Variants in RBBP8NL observed in about 807,000 individuals in gnomAD.
RBBP8NL encodes the protein RBBP8 N-terminal like.
In RBBP8NL, 59 loss-of-function variants were observed where a neutral mutation model predicts 62.2. That is an observed-to-expected ratio of 0.95 (90% CI 0.77 to 1.18). RBBP8NL has a LOEUF of 1.18. RBBP8NL is among the 50% of genes most tolerant of loss of function. The pLI, the probability that RBBP8NL is intolerant of heterozygous loss-of-function variation, is 0.00. For missense variants in RBBP8NL, 896 were observed against 899.5 expected (o/e 1.00, Z 0.05); for synonymous variants, 412 against 394.1 (o/e 1.05, Z -0.54).
chr20:62,418,988 A>T (rs1988641450), intron 2 of RBBP8NL, among the ~76,000 whole-genome samples: 1 of 151,494 alleles, frequency 6.6e-6, no homozygotes, highest in African/African-American at 2.4e-5. Flanking sequence ...GACCACGGGG[A>T]GGTGCTGGCC....
Position 62,413,276 on chromosome 20 carries a change from C to T in RBBP8NL, c.1675+125G>A, listed in dbSNP as rs550894713. The T allele has an allele frequency of 1.3e-4, 154 of 1,213,008 alleles. 1 individual carries two copies. Among genetic ancestry groups the T allele is most frequent in the African/African-American group, 1.1e-3 (72 of 64,940 alleles). The allele number at this position is 1,213,008 out of a possible 1,614,324, so 75.1% of individuals were successfully genotyped here. On this transcript the variant is annotated intron_variant, in intron 11 of 13. Transcript: ENST00000252998. ...CAAGCCCTGGAGCCTGGGGTTGCCC[C>T]GTCAGATCGGCAGGGCAGAGCTGGG...
chr20:62,415,403 G>T, intron 8 of RBBP8NL, 116 bp from the exon 9 acceptor site: 1 of 1,397,790 alleles, frequency 7.2e-7, no homozygotes, highest in Non-Finnish European at 9.7e-7. Context: ...GCTCACTGCT[G>T]AGCTGCACCC....
chr20:62,415,891 C>T lies in RBBP8NL; in HGVS notation c.441G>A (p.Leu147=), dbSNP rs1463422095. ...KEGTSDPPSP[L]LLPSPGGWKA... ...TCCAGCCACCAGGGGAGGGGAGCAG[C>T]AGGGGTGAGGGGGGGTCCGAGGTGC... Residue 147 remains leucine (L), a synonymous_variant, in exon 7 of 14, where the codon CTG becomes CTA. Coordinates refer to ENST00000252998, the MANE Select transcript of RBBP8NL (RefSeq NM_080833.3). 1 of 1,602,428 alleles carries T rather than the reference C, an allele frequency of 6.2e-7. No homozygotes were observed. The highest frequency in any genetic ancestry group is 8.5e-7 in the Non-Finnish European group (1 of 1,176,034).
At chr20:62,416,294 T>TGGGGGGGGG in intron 5 of RBBP8NL, 58 bp from the exon 6 acceptor site, 1 of 515,308 alleles carries the variant, frequency 1.9e-6, no homozygotes. Flanking sequence ...GGGGCAGGGG[T>TGGGGGGGGG]GGGGTCGTCA....
chr20:62,417,717 G>A (rs1601488492), intron 3 of RBBP8NL, among the ~76,000 whole-genome samples: 3 of 43,776 alleles, frequency 6.9e-5, no homozygotes, highest in Non-Finnish European at 1.2e-4. Flanking sequence ...TCCACGCAAC[G>A]CCCCCCCAGT....
At chr20:62,419,334 C>T (rs565637166) in intron 2 of RBBP8NL, among the ~76,000 whole-genome samples, 40 of 152,264 alleles carry the variant, frequency 2.6e-4, no homozygotes, top group South Asian at 8.3e-4. Flanking sequence ...CCCTCCCCCT[C>T]GGGGTCACAC....
chr20:62,420,375 C>CAT (rs993408698), intron 1 of RBBP8NL, among the ~76,000 whole-genome samples: 5 of 150,332 alleles, frequency 3.3e-5, no homozygotes, highest in African/African-American at 9.9e-5. Context: ...CACACACACA[C>CAT]ACACACACAC....
rs775408561 is a variant in RBBP8NL at position 62,412,669 on chromosome 20, C to T, written c.1831G>A (p.Gly611Ser). 1 of 1,608,150 alleles carries T rather than the reference C, an allele frequency of 6.2e-7. No individual in the cohort carries two copies. Among genetic ancestry groups the T allele is most frequent in the Non-Finnish European group, 8.5e-7 (1 of 1,179,938 alleles). ...ECICTQEHGQ[G>S]PPRKRKRASE... ...GCCCGCTTCCTCTTCCGTGGTGGAC[C>T]CTGCCCGTGCTCCTGGGTGCAGATG... is the stretch of plus-strand genomic sequence containing the variant. Residue 611 changes from glycine to serine, a missense_variant, in exon 13 of 14, where the codon GGT becomes AGT. By Grantham distance (56) the Gly-to-Ser change is moderately conservative (BLOSUM62 0). Coordinates refer to ENST00000252998, the MANE Select transcript of RBBP8NL (RefSeq NM_080833.3).
chr20:62,413,831 G>A lies in RBBP8NL; in HGVS notation c.1520C>T (p.Ser507Phe). Residue 507 changes from serine (S) to phenylalanine (F), a missense_variant, in exon 10 of 14, where the codon TCC (serine) becomes TTC (phenylalanine). Physicochemically the swap from Ser to Phe is radical, Grantham distance 155 (BLOSUM62 -2). Transcript: ENST00000252998. ...GACCGGGCTCCTTACCATGGGAGTG[G>A]AAGCCTCCTCCTGCTCTGGCACTCT... ...GTRVPEQEEASTPMDPSRPLP... is the reference protein window; with the variant it reads ...GTRVPEQEEAFTPMDPSRPLP... 1 of 1,597,294 alleles carries A rather than the reference G, an allele frequency of 6.3e-7. No individual in the cohort carries two copies. The highest frequency in any genetic ancestry group is 8.5e-7 in the Non-Finnish European group (1 of 1,173,270).
intron 1 of RBBP8NL, among the ~76,000 whole-genome samples, chr20:62,424,235 G>T (rs970335482): frequency 1.3e-5 from 2 of 152,034 alleles, no homozygotes; most frequent in Admixed American, 6.5e-5. Flanking sequence ...TGGAAGGAGT[G>T]GGGGAAGGGG....
chr20:62,412,298 C>T (rs1269122725), intron 13 of RBBP8NL, among the ~76,000 whole-genome samples: 1 of 152,200 alleles, frequency 6.6e-6, no homozygotes, highest in African/African-American at 2.4e-5. Context: ...ATGGTGGGGA[C>T]AATGACCATC....
At chr20:62,421,957 C>T (rs568763093) in intron 1 of RBBP8NL, among the ~76,000 whole-genome samples, 134 of 152,290 alleles carry the variant, frequency 8.8e-4, no homozygotes, top group African/African-American at 3.0e-3. Context: ...TGTGGAACCA[C>T]TGGTGCGTCA....
intron 3 of RBBP8NL, 40 bp from the exon 4 acceptor site, chr20:62,417,359 C>A: frequency 6.7e-7 from 1 of 1,493,834 alleles, no homozygotes; most frequent in East Asian, 2.4e-5. Flanking sequence ...CTGTTCCATC[C>A]AGGAAGCCAC....
chr20:62,413,568 CTTGAGT>C (rs1988485697), intron 10 of RBBP8NL, 23 bp from the exon 11 acceptor site: 1 of 1,505,996 alleles, frequency 6.6e-7, no homozygotes, highest in African/African-American at 1.4e-5. Context: ...AAGTAGGTGG[CTTGAGT>C]TTATTTGGGA....
At position 62,420,802 on chromosome 20, in the gene RBBP8NL, C is replaced by T. The variant is rs372204657; in HGVS notation, c.-83-1072G>A. Among the ~76,000 whole-genome samples the T allele has an allele frequency of 8.0e-4, 122 of 152,368 alleles. 1 individual carries two copies. In the South Asian group the frequency reaches 0.017, roughly 22 times the overall value. On this transcript the variant is annotated intron_variant, in intron 1 of 13. Transcript: ENST00000252998. ...GGTCACAGGCCCCCTCCCTCCCTGC[C>T]TGCCTCCCCTACCCACAGGTCTCAG... is the stretch of plus-strand genomic sequence containing the variant.
chr20:62,421,573 G>A (rs914619715), intron 1 of RBBP8NL, among the ~76,000 whole-genome samples: 2 of 150,844 alleles, frequency 1.3e-5, no homozygotes, highest in African/African-American at 4.9e-5. Flanking sequence ...CCATGTGTGT[G>A]CACGCCTGAG....
chr20:62,411,914 C>A (rs2146436516), intron 13 of RBBP8NL, among the ~76,000 whole-genome samples: 1 of 152,386 alleles, frequency 6.6e-6, no homozygotes, highest in Middle Eastern at 3.4e-3. Flanking sequence ...CACCACCCCG[C>A]CTGCTGCCTG....
rs1308126390 is a variant in RBBP8NL, at chr20:62,415,261, C to A, written c.654G>T (p.Leu218=). ...GCCGCACCACGGCAATGGTCCCGTG[C>A]AGCTGGTTGGAGATGCGCTGGGGGC... ...DMSPQRISNQ[L]HGTIAVVRPG... The change falls in exon 9 of 14, where the codon CTG becomes CTT. Residue 218 remains leucine, a synonymous_variant. Coordinates refer to ENST00000252998, the MANE Select transcript of RBBP8NL (RefSeq NM_080833.3). The A allele has an allele frequency of 1.3e-6, 2 of 1,571,490 alleles. No individual in the cohort carries two copies. Among genetic ancestry groups the A allele is most frequent in the Non-Finnish European group, 1.7e-6 (2 of 1,164,908 alleles).
chr20:62,419,218 T>C (rs1007156763), intron 2 of RBBP8NL, among the ~76,000 whole-genome samples: 2 of 152,186 alleles, frequency 1.3e-5, no homozygotes, highest in Non-Finnish European at 2.9e-5. Flanking sequence ...TGGGTACTTC[T>C]TTCTGCCACG....
Sources: gnomAD v4.1 joint callset for allele counts (sites outside exome capture counted in the v4.1 genomes callset) on GRCh38, gnomAD v4.1.1 for gene constraint, MANE v1.5 for transcripts, NCBI Gene and HGNC (gene_info 2026-07-23, HGNC 2026-07-21) for gene names.